The following ZNF562 variants were observed in gnomAD, a reference collection of about 807,000 sequenced individuals.
The protein encoded by ZNF562 is zinc finger protein 562.
A neutral mutation model predicts 17.5 loss-of-function variants in ZNF562; 13 were observed. That is an observed-to-expected ratio of 0.74 (90% CI 0.48 to 1.18). ZNF562 has a LOEUF of 1.18. ZNF562 is among the 50% of genes most tolerant of loss of function. The pLI is 0.00. For synonymous variants in ZNF562, 163 were observed against 165.4 expected (o/e 0.99, Z 0.11); for missense variants, 481 against 498.5 (o/e 0.96, Z 0.33).
intron 1 of ZNF562, among the ~76,000 whole-genome samples, chr19:9,670,782 G>C (rs746014078): frequency 2.6e-5 from 4 of 152,100 alleles, no homozygotes; most frequent in African/African-American, 9.7e-5. Context: ...CTGATTATGT[G>C]AGATCAGGAG....
Position 9,661,578 on chromosome 19 carries a change from G to A in ZNF562, c.-130-704C>T, listed in dbSNP as rs567948920. On this transcript the variant is annotated intron_variant, in intron 1 of 5. Coordinates refer to ENST00000453372, the MANE Select transcript of ZNF562 (RefSeq NM_001130031.2). ...TGGGAGGCCAAGGCAGGTGGATCAC[G>A]AGGTCAGGAGTTCCAGACCAGCCTG... Among the ~76,000 whole-genome samples, 35 of 144,780 alleles carry A rather than the reference G, an allele frequency of 2.4e-4. 1 individual carries two copies. The highest frequency in any genetic ancestry group is 2.6e-4 in the Non-Finnish European group (18 of 67,976). 95.0% of individuals were successfully genotyped at this position (144,780 alleles called of 152,430 possible).
rs769203542 is a variant in ZNF562 at position 9,657,991 on chromosome 19, A to T, written c.241+18T>A. 41 of 1,601,740 alleles carry T rather than the reference A, an allele frequency of 2.6e-5. No homozygotes were observed. Among genetic ancestry groups the T allele is most frequent in the East Asian group, 1.3e-4 (6 of 44,628 alleles). Reference sequence around the variant, plus strand: ...CAGGTGCAGGCCACCATGCCAAGCAAAGTGATGTTACTCTTACCCACAGAG... The same window carrying T: ...CAGGTGCAGGCCACCATGCCAAGCATAGTGATGTTACTCTTACCCACAGAG... On this transcript the variant is annotated intron_variant, in intron 4 of 5. Coordinates refer to ENST00000453372, the MANE Select transcript of ZNF562 (RefSeq NM_001130031.2).
In ZNF562 at chr19:9,647,805, C is replaced by G. The variant is rs1599256970; in HGVS notation, c.*5144G>C. 6.6e-6 allele frequency: 1 copy of G among 152,156 alleles called. No individual in the cohort carries two copies. Among genetic ancestry groups the G allele is most frequent in the African/African-American group, 2.4e-5 (1 of 41,432 alleles). 9.4% of individuals were successfully genotyped at this position (152,156 alleles called of 1,614,324 possible). A position where few individuals can be genotyped will look rare whatever the true frequency, so the allele number is the denominator to read the frequency against. The stretch of plus-strand genomic sequence containing the variant: ...GGTGGAATTTGCAGTAAGTTGAGAT[C>G]ACACCATTGCACTCCAGCCTGGGCA... On this transcript the variant is annotated 3_prime_UTR_variant, in exon 6 of 6. Coordinates refer to ENST00000453372, the MANE Select transcript of ZNF562 (RefSeq NM_001130031.2).
intron 1 of ZNF562, among the ~76,000 whole-genome samples, chr19:9,664,969 G>A (rs569984373): frequency 6.6e-6 from 1 of 151,224 alleles, no homozygotes; most frequent in Admixed American, 6.6e-5. Flanking sequence ...TGCCTGTAAT[G>A]CCAGCACTTT....
Position 9,653,970 on chromosome 19 carries a change from T to G in ZNF562, c.349-89A>C, listed in dbSNP as rs559846703. 3.7e-6 allele frequency: 5 copies of G among 1,359,132 alleles called. No homozygotes were observed. The South Asian group carries it at 1.1e-4, about 30-fold the overall frequency. The allele number at this position is 1,359,132 out of a possible 1,614,324, so 84.2% of individuals were successfully genotyped here. ...CACAGAAACATTATTTTGATGACAA[T>G]TATTTTACTTTTTAATGTTTAATTT... On this transcript the variant is annotated intron_variant, in intron 5 of 5. Transcript: ENST00000453372.
chr19:9,669,339 C>T (rs2044060758), intron 1 of ZNF562, among the ~76,000 whole-genome samples: 1 of 152,020 alleles, frequency 6.6e-6, no homozygotes, highest in Non-Finnish European at 1.5e-5. Flanking sequence ...GGCCAACAGG[C>T]ATACAAAAAA....
At chr19:9,655,103 G>T (rs1304808613) in intron 5 of ZNF562, among the ~76,000 whole-genome samples, 1 of 152,050 alleles carries the variant, frequency 6.6e-6, no homozygotes, top group Non-Finnish European at 1.5e-5. Context: ...CCATCATCCT[G>T]CCTCAGTCTC....
rs1171590439 is a variant in ZNF562, at chr19:9,657,994, T to C, written c.241+15A>G. On this transcript the variant is annotated intron_variant, in intron 4 of 5. Coordinates refer to ENST00000453372, the MANE Select transcript of ZNF562 (RefSeq NM_001130031.2). ...GTGCAGGCCACCATGCCAAGCAAAG[T>C]GATGTTACTCTTACCCACAGAGGCC... 6.9e-6 allele frequency: 11 copies of C among 1,602,070 alleles called. No individual in the cohort carries two copies. The South Asian group carries it at 1.2e-4, about 18-fold the overall frequency.
At chr19:9,669,759 CACACACACACACACACAA>C (rs2044107296) in intron 1 of ZNF562, among the ~76,000 whole-genome samples, 1 of 151,354 alleles carries the variant, frequency 6.6e-6, no homozygotes, top group African/African-American at 2.4e-5. Flanking sequence ...CACACACACA[CACACACACACACACACAA>C]CCAGTCAGGG....
At chr19:9,662,066 A>G (rs945091462) in intron 1 of ZNF562, among the ~76,000 whole-genome samples, 5 of 151,876 alleles carry the variant, frequency 3.3e-5, no homozygotes, top group African/African-American at 1.2e-4. Context: ...CTGGCCTATT[A>G]CCTCTATTAA....
chr19:9,652,911 G>C lies in ZNF562; in HGVS notation c.*38C>G. Reference sequence around the variant, plus strand: ...TCTCTGGTAGGAGTTCACAGGTGGGGTGAGGAATACAGAAATTCTTTCCCA... The same window carrying C: ...TCTCTGGTAGGAGTTCACAGGTGGGCTGAGGAATACAGAAATTCTTTCCCA... On this transcript the variant is annotated 3_prime_UTR_variant, in exon 6 of 6. Transcript: ENST00000453372. 1 of 1,466,640 alleles carries C rather than the reference G, an allele frequency of 6.8e-7. No homozygotes were observed. Among genetic ancestry groups the C allele is most frequent in the Non-Finnish European group, 9.0e-7 (1 of 1,107,120 alleles). The allele number at this position is 1,466,640 out of a possible 1,614,324, so 90.9% of individuals were successfully genotyped here.
At chr19:9,657,808 A>G (rs2043569525) in intron 4 of ZNF562, among the ~76,000 whole-genome samples, 1 of 151,886 alleles carries the variant, frequency 6.6e-6, no homozygotes, top group Non-Finnish European at 1.5e-5. Context: ...CAGCCTTCCA[A>G]AGTGCTGGGA....
rs1223511803 is a variant in ZNF562, at chr19:9,660,904, A to C, written c.-130-30T>G. 2.2e-5 allele frequency: 13 copies of C among 590,470 alleles called. No homozygotes were observed. In the Admixed American group the frequency reaches 3.1e-4, roughly 14 times the overall value. 36.6% of individuals were successfully genotyped at this position (590,470 alleles called of 1,614,324 possible). On this transcript the variant is annotated intron_variant, in intron 1 of 5. Coordinates refer to ENST00000453372, the MANE Select transcript of ZNF562 (RefSeq NM_001130031.2). ...TCATACCAATCACCAAACAACAAGC[A>C]TCAAACATCAGTCATTGAACATTAT...
intron 5 of ZNF562, 38 bp downstream of exon 5, chr19:9,656,509 A>C (rs1225913293): frequency 6.2e-7 from 1 of 1,607,398 alleles, no homozygotes; most frequent in African/African-American, 1.3e-5. Context: ...CGTCTCAAAA[A>C]ACAGAAGAAA....
chr19:9,667,058 CACA>C (rs951592544), intron 1 of ZNF562, among the ~76,000 whole-genome samples: 46 of 152,078 alleles, frequency 3.0e-4, no homozygotes, highest in African/African-American at 4.6e-4. Flanking sequence ...CAGACAAGAG[CACA>C]ACAACAACAA....
In ZNF562 at chr19:9,647,574, C is replaced by T. The variant is rs2074817047; in HGVS notation, c.*5375G>A. 2 of 151,968 alleles carry T rather than the reference C, an allele frequency of 1.3e-5. No individual in the cohort carries two copies. The highest frequency in any genetic ancestry group is 4.2e-4 in the South Asian group (2 of 4,780). The allele number at this position is 151,968 out of a possible 1,614,324, so 9.4% of individuals were successfully genotyped here. ...TTTTAAAATATTTTGCAGTATTGGC[C>T]GGGCACAGTGGCTTGTGCCTGTAAT... On this transcript the variant is annotated 3_prime_UTR_variant, in exon 6 of 6. Coordinates refer to ENST00000453372, the MANE Select transcript of ZNF562 (RefSeq NM_001130031.2).
At chr19:9,664,532 G>A (rs1193293246) in intron 1 of ZNF562, among the ~76,000 whole-genome samples, 1 of 152,200 alleles carries the variant, frequency 6.6e-6, no homozygotes, top group Non-Finnish European at 1.5e-5. Flanking sequence ...GTCACTGATT[G>A]TTTTCACACA....
chr19:9,674,496 C>A (rs935391523), intron 1 of ZNF562: 9 of 147,080 alleles, frequency 6.1e-5, no homozygotes, highest in Non-Finnish European at 1.3e-4. Flanking sequence ...GCGTGGGCGA[C>A]AGAGTAAGAC....
intron 1 of ZNF562, among the ~76,000 whole-genome samples, chr19:9,664,823 C>A (rs920551027): frequency 6.6e-6 from 1 of 151,098 alleles, no homozygotes; most frequent in Admixed American, 6.6e-5. Context: ...ACAGCCTGGG[C>A]GACAGAGTGA....
Sources: allele counts gnomAD v4.1 joint callset (sites outside exome capture counted in the v4.1 genomes callset), GRCh38; gene constraint gnomAD v4.1.1; transcripts MANE v1.5; gene names NCBI Gene and HGNC (gene_info 2026-07-23, HGNC 2026-07-21).